The following PALM2AKAP2 variants were observed in gnomAD, a reference collection of about 807,000 sequenced individuals.
The protein encoded by PALM2AKAP2 is PALM2-AKAP2 fusion protein.
Under a neutral mutation model 71.5 loss-of-function variants are expected in PALM2AKAP2, and 37 were observed. The ratio of observed to expected loss-of-function variants is 0.52; its 90% CI spans 0.40 to 0.68. The LOEUF is 0.68. Among genes scored for constraint, PALM2AKAP2 ranks in the 30% least tolerant of loss-of-function variants. PALM2AKAP2 has a pLI of 0.00. For synonymous variants in PALM2AKAP2, 468 were observed against 478.8 expected (o/e 0.98, Z 0.29); for missense variants, 1,224 against 1,191.8 (o/e 1.03, Z -0.40).
chr9:109,707,048 T>A (rs2118597601), intron 1 of PALM2AKAP2, among the ~76,000 whole-genome samples: 1 of 152,340 alleles, frequency 6.6e-6, no homozygotes, highest in African/African-American at 2.4e-5. Context: ...ATAGAGTATG[T>A]AAAATTTATA....
At chr9:110,089,054 A>C (rs1223091811) in intron 1 of PALM2AKAP2, among the ~76,000 whole-genome samples, 1 of 152,124 alleles carries the variant, frequency 6.6e-6, no homozygotes, top group Admixed American at 6.5e-5. Context: ...ATACAATTTA[A>C]AAAATCAGAT....
At chr9:110,144,977 C>T (rs1836127535) in intron 2 of PALM2AKAP2, among the ~76,000 whole-genome samples, 1 of 152,188 alleles carries the variant, frequency 6.6e-6, no homozygotes, top group East Asian at 1.9e-4. Flanking sequence ...CTTCTTTCCC[C>T]TACCTTCTCC....
intron 6 of PALM2AKAP2, among the ~76,000 whole-genome samples, chr9:109,968,268 C>T (rs887094176): frequency 1.3e-5 from 2 of 152,166 alleles, no homozygotes; most frequent in East Asian, 1.9e-4. Context: ...TTGAGGCCCT[C>T]GCGTACCCCA....
intron 1 of PALM2AKAP2, among the ~76,000 whole-genome samples, chr9:109,669,194 A>G (rs554579543): frequency 2.6e-5 from 4 of 152,050 alleles, no homozygotes; most frequent in East Asian, 1.9e-4. Context: ...TAGGTTTTTC[A>G]TAGGTACTCT....
intron 1 of PALM2AKAP2, among the ~76,000 whole-genome samples, chr9:110,123,570 A>C (rs73534824): frequency 0.13 from 19,973 of 152,110 alleles, 1,325 homozygotes; most frequent in East Asian, 0.2. Flanking sequence ...GACTCAAGTC[A>C]ACACACAACA....
chr9:109,866,364 G>A (rs1450579950), intron 1 of PALM2AKAP2, among the ~76,000 whole-genome samples: 1 of 152,146 alleles, frequency 6.6e-6, no homozygotes, highest in African/African-American at 2.4e-5. Flanking sequence ...GTGAGTAAAC[G>A]AAAATGCTCC....
In PALM2AKAP2 at chr9:110,136,567, G is replaced by T. The variant is rs1835875404; in HGVS notation, c.597G>T (p.Gln199His). ...CCACTGAAAGAACAGCTAGCCGGCA[G>T]GCACCTCCTCACATCGAGCTCAGTA... Residue 199 changes from glutamine to histidine, a missense_variant, in exon 2 of 4, where the codon CAG becomes CAT. Gln to His is a conservative substitution (Grantham distance 24, BLOSUM62 0). Transcript: ENST00000374525. 2 of 1,613,400 alleles carry T rather than the reference G, an allele frequency of 1.2e-6. No homozygotes were observed. The highest frequency in any genetic ancestry group is 1.7e-6 in the Non-Finnish European group (2 of 1,180,036).
chr9:109,921,658 T>A (rs1394437701), intron 3 of PALM2AKAP2, among the ~76,000 whole-genome samples: 2 of 152,086 alleles, frequency 1.3e-5, no homozygotes, highest in African/African-American at 2.4e-5. Flanking sequence ...TCAAGAATGG[T>A]TGGGAGTTTG....
intron 1 of PALM2AKAP2, among the ~76,000 whole-genome samples, chr9:110,120,529 G>A (rs1222029959): frequency 6.6e-6 from 1 of 152,230 alleles, no homozygotes; most frequent in Admixed American, 6.5e-5. Flanking sequence ...TTGAGACAGA[G>A]TCTTGCTCTG....
intron 6 of PALM2AKAP2, among the ~76,000 whole-genome samples, chr9:109,991,267 C>G (rs1411587395): frequency 6.6e-6 from 1 of 150,980 alleles, no homozygotes; most frequent in African/African-American, 2.4e-5. Flanking sequence ...GACAGAGTCT[C>G]CCTCTGTCAC....
At chr9:109,995,913 A>G (rs1832567992) in intron 6 of PALM2AKAP2, among the ~76,000 whole-genome samples, 1 of 152,208 alleles carries the variant, frequency 6.6e-6, no homozygotes, top group South Asian at 2.1e-4. Flanking sequence ...GAGAGGAAGG[A>G]TGAGGCAGGA....
chr9:110,071,971 A>C (rs1439997249), intron 1 of PALM2AKAP2, among the ~76,000 whole-genome samples: 2 of 152,232 alleles, frequency 1.3e-5, no homozygotes, highest in Non-Finnish European at 2.9e-5. Flanking sequence ...TAGTTCAGAC[A>C]GTGAGTGTTA....
intron 3 of PALM2AKAP2, among the ~76,000 whole-genome samples, chr9:109,890,238 C>G (rs1237576618): frequency 6.6e-6 from 1 of 152,216 alleles, no homozygotes; most frequent in East Asian, 1.9e-4. Flanking sequence ...ACATCCATCA[C>G]AAGGGCCCGG....
chr9:110,070,566 T>G (rs1284533845), intron 1 of PALM2AKAP2, among the ~76,000 whole-genome samples: 1 of 152,216 alleles, frequency 6.6e-6, no homozygotes, highest in Non-Finnish European at 1.5e-5. Context: ...AAAGTATAAG[T>G]TGGTCAATTG....
At chr9:110,077,791 G>A (rs1321805148) in intron 1 of PALM2AKAP2, among the ~76,000 whole-genome samples, 3 of 152,100 alleles carry the variant, frequency 2.0e-5, no homozygotes, top group South Asian at 2.1e-4. Flanking sequence ...CGAGGTGGTC[G>A]GATCACGAGG....
chr9:109,725,760 A>G (rs1331683855), intron 1 of PALM2AKAP2, among the ~76,000 whole-genome samples: 3 of 152,248 alleles, frequency 2.0e-5, no homozygotes, highest in Admixed American at 2.0e-4. Flanking sequence ...AATAATTCCA[A>G]TTATGCAACA....
chr9:109,819,283 C>A (rs1022324654), intron 1 of PALM2AKAP2, among the ~76,000 whole-genome samples: 9 of 152,186 alleles, frequency 5.9e-5, no homozygotes, highest in African/African-American at 2.2e-4. Context: ...TTTAAAAATT[C>A]ATCTTAAAGG....
chr9:109,855,924 T>A (rs572283189), intron 1 of PALM2AKAP2, among the ~76,000 whole-genome samples: 1 of 152,342 alleles, frequency 6.6e-6, no homozygotes, highest in South Asian at 2.1e-4. Context: ...TAATAGTCTA[T>A]GATAAGGACA....
chr9:109,697,422 T>C lies in PALM2AKAP2; in HGVS notation c.5+56556T>C, dbSNP rs112205145. Among the ~76,000 whole-genome samples, 451 of 152,248 alleles carry C rather than the reference T, an allele frequency of 3.0e-3. 2 individuals are homozygous for C. Among genetic ancestry groups the C allele is most frequent in the African/African-American group, 9.8e-3 (407 of 41,550 alleles). On this transcript the variant is annotated intron_variant, in intron 1 of 6. Transcript: ENST00000374531. Reference sequence around the variant, plus strand: ...GTCTATGAAATTAGAAGGAAGAAGATAGAGTGAATTTTGCACTATATACTT... The same window carrying C: ...GTCTATGAAATTAGAAGGAAGAAGACAGAGTGAATTTTGCACTATATACTT...
Sources: gnomAD v4.1 joint callset for allele counts (sites outside exome capture counted in the v4.1 genomes callset) on GRCh38, gnomAD v4.1.1 for gene constraint, MANE v1.5 for transcripts, NCBI Gene and HGNC (gene_info 2026-07-23, HGNC 2026-07-21) for gene names.